Variants in MED13L observed in about 807,000 individuals in gnomAD.
MED13L encodes the protein mediator of RNA polymerase II transcription subunit 13-like.
A neutral mutation model predicts 220.9 loss-of-function variants in MED13L; 7 were observed. That is an observed-to-expected ratio of 0.03 (90% CI 0.02 to 0.06). The LOEUF (loss-of-function observed/expected upper bound fraction) is 0.06, where lower values mean the gene tolerates loss of function less well. Among genes scored for constraint, MED13L ranks in the 10% least tolerant of loss-of-function variants. The probability of loss-of-function intolerance (pLI) is 1.00; values close to 1 mark genes in which losing one functional copy is unlikely to be tolerated. For synonymous variants in MED13L, 1,011 were observed against 1,015.2 expected (o/e 1.00, Z 0.08); for missense variants, 1,965 against 2,760.5 (o/e 0.71, Z 6.46).
intron 2 of MED13L, among the ~76,000 whole-genome samples, chr12:116,206,208 G>A (rs934734939): frequency 6.7e-6 from 1 of 149,214 alleles, no homozygotes; most frequent in Non-Finnish European, 1.5e-5. Flanking sequence ...AGCCTCCTAA[G>A]TAGCTGGGAC....
At chr12:116,232,569 A>G (rs1191096237) in intron 2 of MED13L, among the ~76,000 whole-genome samples, 1 of 152,212 alleles carries the variant, frequency 6.6e-6, no homozygotes, top group Non-Finnish European at 1.5e-5. Flanking sequence ...CTACATTAGA[A>G]CCTCATAAAA....
At chr12:116,152,348 T>C (rs1271338803) in intron 2 of MED13L, among the ~76,000 whole-genome samples, 1 of 152,224 alleles carries the variant, frequency 6.6e-6, no homozygotes, top group African/African-American at 2.4e-5. Flanking sequence ...CATATCCTGC[T>C]AACAAGAGGT....
At chr12:116,115,208 G>A (rs938426079) in intron 2 of MED13L, among the ~76,000 whole-genome samples, 3 of 152,052 alleles carry the variant, frequency 2.0e-5, no homozygotes, top group African/African-American at 7.2e-5. Context: ...ACTGTAGAAA[G>A]GATACACATC....
intron 2 of MED13L, chr12:116,174,860 G>A (rs1192119624): frequency 2.0e-5 from 3 of 152,290 alleles, no homozygotes. Flanking sequence ...AAGCCCAGGA[G>A]TTGGAGACCA....
At chr12:116,237,828 G>C in intron 1 of MED13L, 123 bp from the exon 2 acceptor site, 2 of 873,380 alleles carry the variant, frequency 2.3e-6, no homozygotes, top group Non-Finnish European at 3.8e-6. Context: ...CATATCATAA[G>C]ATTCCTCCCA....
At chr12:116,170,837 C>A (rs868670451) in intron 2 of MED13L, among the ~76,000 whole-genome samples, 1 of 152,166 alleles carries the variant, frequency 6.6e-6, no homozygotes, top group Admixed American at 6.5e-5. Context: ...CTGACCTCAA[C>A]TGATCCACAC....
intron 1 of MED13L, among the ~76,000 whole-genome samples, chr12:116,275,035 C>T (rs1267871407): frequency 6.6e-6 from 1 of 150,970 alleles, no homozygotes; most frequent in Non-Finnish European, 1.5e-5. Context: ...ACCCTAAAGA[C>T]TGGCTATACA....
intron 4 of MED13L, among the ~76,000 whole-genome samples, chr12:116,085,448 C>A (rs189258609): frequency 1.4e-4 from 22 of 152,178 alleles, no homozygotes; most frequent in African/African-American, 5.1e-4. Flanking sequence ...GAGACTATTT[C>A]TATTTTAATG....
intron 2 of MED13L, among the ~76,000 whole-genome samples, chr12:116,224,097 A>T (rs947376970): frequency 7.2e-5 from 11 of 152,208 alleles, no homozygotes; most frequent in Non-Finnish European, 1.5e-4. Flanking sequence ...AGTCAGATGC[A>T]GGTCCTATCC....
At chr12:116,172,944 A>AC (rs1879786804) in intron 2 of MED13L, among the ~76,000 whole-genome samples, 1 of 151,760 alleles carries the variant, frequency 6.6e-6, no homozygotes, top group African/African-American at 2.4e-5. Context: ...AAAAAAAAAA[A>AC]ACAAGTACTA....
chr12:116,018,525 T>C (rs756373430), intron 7 of MED13L, among the ~76,000 whole-genome samples: 2 of 152,218 alleles, frequency 1.3e-5, no homozygotes, highest in Non-Finnish European at 2.9e-5. Context: ...GGCTCAAGTA[T>C]GATGAGTATC....
At chr12:116,254,812 A>C (rs1369149340) in intron 1 of MED13L, among the ~76,000 whole-genome samples, 1 of 152,112 alleles carries the variant, frequency 6.6e-6, no homozygotes, top group East Asian at 1.9e-4. Context: ...GCATTGAAAA[A>C]CACAACTTAC....
At chr12:116,165,788 T>C (rs190904393) in intron 2 of MED13L, among the ~76,000 whole-genome samples, 1 of 152,320 alleles carries the variant, frequency 6.6e-6, no homozygotes, top group African/African-American at 2.4e-5. Context: ...CTTGTCTTTT[T>C]AAGATAAAGA....
At chr12:115,987,054 C>G in intron 18 of MED13L, 55 bp downstream of exon 18, 1 of 1,566,728 alleles carries the variant, frequency 6.4e-7, no homozygotes, top group East Asian at 2.2e-5. Flanking sequence ...TAACGCTGCT[C>G]TTCACTGAAC....
chr12:116,269,986 T>C (rs187036072), intron 1 of MED13L, among the ~76,000 whole-genome samples: 1 of 150,768 alleles, frequency 6.6e-6, no homozygotes, highest in East Asian at 1.9e-4. Context: ...TCAAAATATA[T>C]TCTAAAAAGC....
chr12:116,141,370 C>G lies in MED13L; in HGVS notation c.311-29858G>C, dbSNP rs143478343. 1.7e-3 allele frequency among the ~76,000 whole-genome samples: 261 copies of G among 151,982 alleles called. 2 individuals carry two copies. The East Asian group carries it at 0.026, about 15-fold the overall frequency. ...ATTTTTTTCATATATAGAAATCTGACCCAGAAATAGGGTTACACAGATAGC... is the reference window on the plus strand; with the variant it reads ...ATTTTTTTCATATATAGAAATCTGAGCCAGAAATAGGGTTACACAGATAGC... On this transcript the variant is annotated intron_variant, in intron 2 of 30. Transcript: ENST00000281928.
intron 4 of MED13L, among the ~76,000 whole-genome samples, chr12:116,078,395 T>C (rs1365622840): frequency 1.3e-5 from 2 of 152,178 alleles, no homozygotes; most frequent in African/African-American, 4.8e-5. Context: ...ACATTAACTT[T>C]ATTAGTGAAA....
intron 4 of MED13L, among the ~76,000 whole-genome samples, chr12:116,075,752 G>A (rs1870732112): frequency 6.6e-6 from 1 of 152,106 alleles, no homozygotes; most frequent in Admixed American, 6.5e-5. Context: ...AAAGTTTGAA[G>A]AAGATGCCAA....
intron 1 of MED13L, among the ~76,000 whole-genome samples, chr12:116,255,524 CTT>C (rs901636743): frequency 4.8e-4 from 73 of 152,236 alleles, no homozygotes; most frequent in African/African-American, 1.7e-3. Flanking sequence ...TAATACTTGA[CTT>C]AATCAAAATT....
Sources: gnomAD v4.1 joint callset for allele counts (sites outside exome capture counted in the v4.1 genomes callset) on GRCh38, gnomAD v4.1.1 for gene constraint, MANE v1.5 for transcripts, NCBI Gene and HGNC (gene_info 2026-07-23, HGNC 2026-07-21) for gene names.